Variants in RYR1 observed in about 807,000 individuals in gnomAD.
RYR1 encodes the protein ryanodine receptor 1.
A neutral mutation model predicts 583.5 loss-of-function variants in RYR1; 342 were observed. The observed-to-expected ratio is 0.59, with a 90% confidence interval of 0.54 to 0.64. The LOEUF (loss-of-function observed/expected upper bound fraction) is 0.64. RYR1 is among the 30% of genes least tolerant of loss of function. The pLI, the probability that RYR1 is intolerant of heterozygous loss-of-function variation, is 0.00. For missense variants in RYR1, 6,032 were observed against 6,917.2 expected, an observed-to-expected ratio of 0.87 and a Z score of 4.54; for synonymous variants, 2,791 against 2,822.5, an observed-to-expected ratio of 0.99 and a Z score of 0.35.
At position 38,502,616 on chromosome 19, in the gene RYR1, G is replaced by A. The variant is rs369450781; in HGVS notation, c.7724G>A (p.Arg2575His). The A allele has an allele frequency of 3.7e-6, 6 of 1,612,870 alleles. No homozygotes were observed. In the African/African-American group the frequency reaches 5.3e-5, roughly 14 times the overall value. The change falls in exon 48 of 106, where the codon CGC (arginine) becomes CAC (histidine). Residue 2575 changes from arginine to histidine, a missense_variant. By Grantham distance (29) the Arg-to-His change is conservative. Around this residue, in one of 11 missense-constraint regions of RYR1, gnomAD observed 250 missense variants for 162.3 expected, o/e 1.54. Transcript: ENST00000359596. ...CAPLFAGTEH[R>H]AIMVDSMLHT... Reference sequence around the variant, plus strand: ...CCGCTCTTTGCGGGCACAGAACACCGCGCCATCATGGTGGACTCTATGCTG... The same window carrying A: ...CCGCTCTTTGCGGGCACAGAACACCACGCCATCATGGTGGACTCTATGCTG...
In RYR1 at chr19:38,455,536, G is replaced by T. The variant is rs1967327642; in HGVS notation, c.1662G>T (p.Glu554Asp). Residue 554 changes from glutamate to aspartate, a missense_variant, in exon 15 of 106, where the codon GAG (glutamate) becomes GAT (aspartate). Around this residue, in one of 11 missense-constraint regions of RYR1, gnomAD observed 2,627 missense variants for 2,961.3 expected, o/e 0.89. Transcript: ENST00000359596. ...TGGTCAGCAAGCTGGATCGGCTGGA[G>T]GCCTCGTCTGGTAGGAGAACCCGGG... Reference protein sequence around the residue: ...DWLVSKLDRLEASSGILEVLY... With the variant: ...DWLVSKLDRLDASSGILEVLY... The T allele has an allele frequency of 2.5e-6, 4 of 1,614,082 alleles. No individual in the cohort carries two copies. Among genetic ancestry groups the T allele is most frequent in the Non-Finnish European group, 2.5e-6 (3 of 1,180,002 alleles).
chr19:38,455,725 C>T lies in RYR1; in HGVS notation c.1765C>T (p.Leu589=), dbSNP rs1262184618. ...TCACATCAAGTCCATCATCTCCCTC[C>T]TGGACAAGCATGGGAGGAACCACAA... The part of the protein sequence containing the change: ...ENHIKSIISL[L]DKHGRNHKVL... The change falls in exon 16 of 106, where the codon CTG becomes TTG. Residue 589 remains leucine, a synonymous_variant. Coordinates refer to ENST00000359596, the MANE Select transcript of RYR1 (RefSeq NM_000540.3). 2 of 1,612,338 alleles carry T rather than the reference C, an allele frequency of 1.2e-6. No homozygotes were observed. Among genetic ancestry groups the T allele is most frequent in the Non-Finnish European group, 1.7e-6 (2 of 1,178,710 alleles).
At chr19:38,532,455 C>A in intron 76 of RYR1, 35 bp from the exon 77 acceptor site, 1 of 1,612,466 alleles carries the variant, frequency 6.2e-7, no homozygotes. Flanking sequence ...GTCCTCTCCA[C>A]CGGGTCCTGA....
At chr19:38,470,129 G>A (rs966499991) in intron 27 of RYR1, among the ~76,000 whole-genome samples, 2 of 150,048 alleles carry the variant, frequency 1.3e-5, no homozygotes, top group South Asian at 4.2e-4. Flanking sequence ...TTGCGCCCTT[G>A]CACTCCAGCC....
chr19:38,500,065 G>T lies in RYR1; in HGVS notation c.7323+49G>T. On this transcript the variant is annotated intron_variant, in intron 45 of 105. Coordinates refer to ENST00000359596, the MANE Select transcript of RYR1 (RefSeq NM_000540.3). This position sits in a 1 kb window ranked among gnomAD's most constrained non-coding sequence, Gnocchi z 5.9. ...ATGGGAAGGGAGGGCAGGCACAGCC[G>T]CTTTGAACGCCTCATGCAGGCACTC... is the stretch of plus-strand genomic sequence containing the variant. The T allele has an allele frequency of 6.6e-7, 1 of 1,526,334 alleles. No homozygotes were observed. The highest frequency in any genetic ancestry group is 9.1e-7 in the Non-Finnish European group (1 of 1,103,394). The allele number at this position is 1,526,334 out of a possible 1,614,324, so 94.5% of individuals were successfully genotyped here.
rs1965720742 is a variant in RYR1, at chr19:38,565,773, TGA to T, written c.13437+8_13437+9del. 7 of 1,375,736 alleles carry T rather than the reference TGA, an allele frequency of 5.1e-6. No homozygotes were observed. In the African/African-American group the frequency reaches 7.9e-5, roughly 16 times the overall value. 85.2% of individuals were successfully genotyped at this position (1,375,736 alleles called of 1,614,324 possible). ...CCCATCCTCAAGAGGAAATTGGGGG[TGA>T]GAGAGCAGGCGGGGTTTTGGGGTTT... On this transcript the variant is annotated splice_donor_region_variant and intron_variant, in intron 91 of 105. Coordinates refer to ENST00000359596, the MANE Select transcript of RYR1 (RefSeq NM_000540.3). The surrounding 1 kb of genome is among the most constrained non-coding windows in gnomAD (Gnocchi z 4.7).
intron 84 of RYR1, among the ~76,000 whole-genome samples, chr19:38,542,930 C>T (rs1250898474): frequency 6.6e-6 from 1 of 152,052 alleles, no homozygotes; most frequent in Non-Finnish European, 1.5e-5. Flanking sequence ...CAACCTCTGC[C>T]TCCGGGGTTG....
In RYR1 at chr19:38,575,965, A is replaced by G. The variant is rs757916145; in HGVS notation, c.14172+4A>G. 1.2e-6 allele frequency: 2 copies of G among 1,614,166 alleles called. No homozygotes were observed. The highest frequency in any genetic ancestry group is 2.2e-5 in the South Asian group (2 of 91,080). On this transcript the variant is annotated splice_donor_region_variant and intron_variant, in intron 97 of 105. Coordinates refer to ENST00000359596, the MANE Select transcript of RYR1 (RefSeq NM_000540.3). ...GGACAAGTTTGTCAAGCGCAAGGTG[A>G]GAGGACATGGATGCCCTGGGTCCTG...
In RYR1 at chr19:38,494,534, A is replaced by C; in HGVS notation, c.6457A>C (p.Met2153Leu). The C allele has an allele frequency of 6.2e-7, 1 of 1,614,006 alleles. No homozygotes were observed. The highest frequency in any genetic ancestry group is 8.5e-7 in the Non-Finnish European group (1 of 1,180,038). The change falls in exon 39 of 106, where the codon ATG becomes CTG. Residue 2153 changes from methionine (M) to leucine (L), a missense_variant. Physicochemically the swap from Met to Leu is conservative, Grantham distance 15 (BLOSUM62 2). This residue lies in a region of RYR1 where 2,627 missense variants were observed against 2,961.3 expected (regional missense o/e 0.89). Coordinates refer to ENST00000359596, the MANE Select transcript of RYR1 (RefSeq NM_000540.3). ...TISPSSVEDT[M>L]SLLECLGQIR... ...CTCACCGTCCTCCGTGGAAGACACC[A>C]TGAGCCTGCTCGAGTGCCTCGGCCA...
In RYR1 at chr19:38,512,483, C is replaced by G; in HGVS notation, c.9472C>G (p.Leu3158Val). 6.2e-7 allele frequency: 1 copy of G among 1,609,638 alleles called. No individual in the cohort carries two copies. Among genetic ancestry groups the G allele is most frequent in the Non-Finnish European group, 8.5e-7 (1 of 1,179,982 alleles). Residue 3158 changes from leucine (L) to valine (V), a missense_variant and splice_region_variant, in exon 63 of 106, where the codon CTG (leucine) becomes GTG (valine). This residue lies in a region of RYR1 where 1,493 missense variants were observed against 1,715.5 expected (regional missense o/e 0.87). Transcript: ENST00000359596. The surrounding 1 kb of genome is among the most constrained non-coding windows in gnomAD (Gnocchi z 5.1). Reference protein sequence around the residue: ...AQHQFGDDVILDDVQVSCYRT... With the variant: ...AQHQFGDDVIVDDVQVSCYRT... ...GCACCAGTTCGGAGATGACGTCATC[C>G]GTAAGGGCGCCTGACCCAAGGGCAG...
intron 33 of RYR1, 119 bp from the exon 34 acceptor site, chr19:38,485,470 AG>A: frequency 7.2e-7 from 1 of 1,383,816 alleles, no homozygotes; most frequent in South Asian, 1.2e-5. Flanking sequence ...AGGGGTTTGA[AG>A]GAAAGACGAA....
At chr19:38,450,754 T>C (rs973453135) in intron 11 of RYR1, among the ~76,000 whole-genome samples, 4 of 28,020 alleles carry the variant, frequency 1.4e-4, no homozygotes, top group African/African-American at 5.5e-4. Context: ...GCCCATTCCT[T>C]TTCTGTACAA....
intron 76 of RYR1, 41 bp downstream of exon 76, chr19:38,529,098 C>T: frequency 6.3e-7 from 1 of 1,595,904 alleles, no homozygotes; most frequent in Non-Finnish European, 8.6e-7. Context: ...CCCCCAAGGT[C>T]CTGGGGCCAC....
At chr19:38,571,786 A>G (rs2145868808) in intron 94 of RYR1, among the ~76,000 whole-genome samples, 1 of 152,350 alleles carries the variant, frequency 6.6e-6, no homozygotes, top group South Asian at 2.1e-4. Context: ...CTCCACTATC[A>G]AGATGAACCA....
Position 38,535,188 on chromosome 19 carries a change from A to T in RYR1, c.11407A>T (p.Ile3803Phe). The T allele has an allele frequency of 6.2e-7, 1 of 1,614,112 alleles. No homozygotes were observed. Among genetic ancestry groups the T allele is most frequent in the Non-Finnish European group, 8.5e-7 (1 of 1,180,024 alleles). ...CTCCACCCTGAAGCTGGGCATCTCC[A>T]TCCTCAATGGAGGCAATGCTGAGGT... ...VSSTLKLGIS[I>F]LNGGNAEVQQ... Residue 3803 changes from isoleucine to phenylalanine, a missense_variant, in exon 80 of 106, where the codon ATC (isoleucine) becomes TTC (phenylalanine). Ile to Phe is a conservative substitution (Grantham distance 21). Around this residue, in one of 11 missense-constraint regions of RYR1, gnomAD observed 1,493 missense variants for 1,715.5 expected, o/e 0.87. Transcript: ENST00000359596.
chr19:38,466,825 G>A (rs552022437), intron 24 of RYR1, among the ~76,000 whole-genome samples: 2 of 152,062 alleles, frequency 1.3e-5, no homozygotes, highest in East Asian at 1.9e-4. Flanking sequence ...CTATCACATC[G>A]AGCAGACTGA....
Position 38,587,363 on chromosome 19 carries a change from G to A in RYR1, c.15060G>A (p.Trp5020Ter). 1.2e-6 allele frequency: 2 copies of A among 1,613,966 alleles called. No individual in the cohort carries two copies. Among genetic ancestry groups the A allele is most frequent in the Non-Finnish European group, 1.7e-6 (2 of 1,179,962 alleles). ...YVWKMYQERC[W>*]DFFPAGDCFR... ...GGAAGATGTACCAAGAGAGATGTTG[G>A]GATTTCTTCCCAGCTGGTGATTGTT... Residue 5020 changes from tryptophan (W) to a stop codon, truncating the protein, a stop_gained, in exon 106 of 106, where the codon TGG (tryptophan) becomes TGA (stop). Transcript: ENST00000359596. LOFTEE classifies it high-confidence loss of function.
intron 89 of RYR1, among the ~76,000 whole-genome samples, chr19:38,560,139 AAATCACCTGAGTTCAGGAGTTTGGG>A (rs1361757897): frequency 6.6e-6 from 1 of 151,950 alleles, no homozygotes; most frequent in Non-Finnish European, 1.5e-5. Flanking sequence ...GGAGGAGGGC[AAATCACCTGAGTTCAGGAGTTTGGG>A]ACAAGCCTGG....
intron 27 of RYR1, among the ~76,000 whole-genome samples, chr19:38,470,105 G>A (rs1169778396): frequency 6.6e-6 from 1 of 151,278 alleles, no homozygotes; most frequent in Admixed American, 6.6e-5. Context: ...GATGGAGGTT[G>A]CAGTGAGCCA....
Sources: allele counts gnomAD v4.1 joint callset (sites outside exome capture counted in the v4.1 genomes callset), GRCh38; gene constraint gnomAD v4.1.1; regional missense constraint gnomAD v4.1.1; non-coding constraint Gnocchi (gnomAD v3.1); transcripts MANE v1.5; gene names NCBI Gene and HGNC (gene_info 2026-07-23, HGNC 2026-07-21).